HNRNPUL1: variants seen among roughly 807,000 people sequenced by gnomAD.
HNRNPUL1 encodes the protein heterogeneous nuclear ribonucleoprotein U-like protein 1.
A neutral mutation model predicts 108.5 loss-of-function variants in HNRNPUL1; 14 were observed. The observed-to-expected ratio is 0.13, with a 90% CI of 0.09 to 0.20. The LOEUF is 0.20. Ranked by LOEUF, HNRNPUL1 falls within the 10% of genes least tolerant of loss-of-function variation. HNRNPUL1 has a pLI of 1.00. For synonymous variants in HNRNPUL1, 422 were observed against 445.2 expected, an observed-to-expected ratio of 0.95 and a Z score of 0.66; for missense variants, 804 against 1,168.3, an observed-to-expected ratio of 0.69 and a Z score of 4.55.
intron 6 of HNRNPUL1, 45 bp downstream of exon 6, chr19:41,279,221 C>G: frequency 7.4e-7 from 1 of 1,349,630 alleles, no homozygotes; most frequent in Middle Eastern, 1.8e-4. Context: ...GAGTGACTGT[C>G]CCTACCCTTG....
At chr19:41,290,625 T>A (rs1015686159) in intron 7 of HNRNPUL1, among the ~76,000 whole-genome samples, 2 of 152,220 alleles carry the variant, frequency 1.3e-5, no homozygotes, top group African/African-American at 4.8e-5. Flanking sequence ...TACTAGCCCA[T>A]TTAACAGTTA....
intron 7 of HNRNPUL1, among the ~76,000 whole-genome samples, chr19:41,288,145 C>G (rs2036356328): frequency 6.7e-6 from 1 of 148,962 alleles, no homozygotes; most frequent in Admixed American, 6.7e-5. Flanking sequence ...CCCGCCCCAC[C>G]CATTTTTCAC....
rs57173622 is a variant in HNRNPUL1 at position 41,292,563 on chromosome 19, G to GACACAC, written c.1266+70_1266+75dup. 1,933 of 1,505,100 alleles carry GACACAC rather than the reference G, an allele frequency of 1.3e-3. 5 individuals are homozygous for GACACAC. The African/African-American group carries it at 0.023, about 18-fold the overall frequency. The allele number at this position is 1,505,100 out of a possible 1,614,324, so 93.2% of individuals were successfully genotyped here. On this transcript the variant is annotated intron_variant, in intron 8 of 14. Coordinates refer to ENST00000392006, the MANE Select transcript of HNRNPUL1 (RefSeq NM_007040.6). This position sits in a 1 kb window ranked among gnomAD's most constrained non-coding sequence, Gnocchi z 4.1. ...GCCACCTTGCTGCCAAGACAGAGGA[G>GACACAC]ACACACACACACACACACACACAGA...
At chr19:41,270,933 C>T (rs1032470128) in intron 2 of HNRNPUL1, among the ~76,000 whole-genome samples, 4 of 152,086 alleles carry the variant, frequency 2.6e-5, no homozygotes, top group African/African-American at 7.2e-5. Context: ...TTGGCTTGTC[C>T]GATGGCAGAG....
chr19:41,263,519 C>T (rs919781251), upstream of HNRNPUL1, among the ~76,000 whole-genome samples: 4 of 152,174 alleles, frequency 2.6e-5, no homozygotes, highest in Admixed American at 6.5e-5. Flanking sequence ...CGCGGACTAC[C>T]CAAGGGAAGG....
chr19:41,265,360 G>GGC, intron 1 of HNRNPUL1: 1 of 709,288 alleles, frequency 1.4e-6, no homozygotes, highest in Non-Finnish European at 2.2e-6. Context: ...GGGTGGGTGG[G>GGC]AGAGGTGGAG....
rs1187348932 is a variant in HNRNPUL1, at chr19:41,268,358, A to G, written c.418+13A>G. 1 of 1,612,510 alleles carries G rather than the reference A, an allele frequency of 6.2e-7. No homozygotes were observed. Among genetic ancestry groups the G allele is most frequent in the East Asian group, 2.2e-5 (1 of 44,818 alleles). On this transcript the variant is annotated intron_variant, in intron 2 of 14. Coordinates refer to ENST00000392006, the MANE Select transcript of HNRNPUL1 (RefSeq NM_007040.6). Reference sequence around the variant, plus strand: ...GCCTATCGTCCAGGTAGGAAAATACACATGGTTCATCTCTTTGGATGGAAA... The same window carrying G: ...GCCTATCGTCCAGGTAGGAAAATACGCATGGTTCATCTCTTTGGATGGAAA...
At chr19:41,274,804 G>T (rs1456074887) in intron 4 of HNRNPUL1, among the ~76,000 whole-genome samples, 1 of 152,082 alleles carries the variant, frequency 6.6e-6, no homozygotes, top group Non-Finnish European at 1.5e-5. Flanking sequence ...ATAAAGCACT[G>T]GCTACATGCT....
intron 7 of HNRNPUL1, among the ~76,000 whole-genome samples, chr19:41,287,713 C>T (rs1599816409): frequency 1.3e-5 from 2 of 152,148 alleles, no homozygotes; most frequent in East Asian, 3.9e-4. Context: ...GTACGCGCCA[C>T]CACACCTGGC....
At position 41,305,872 on chromosome 19, in the gene HNRNPUL1, G is replaced by A; in HGVS notation, c.2454+5G>A. The stretch of plus-strand genomic sequence containing the variant: ...AGCTATAACCAGTATCAGCAGGTAG[G>A]TGCCAGACTGGGGGCCAACTGGATG... On this transcript the variant is annotated splice_donor_5th_base_variant and intron_variant, in intron 14 of 14. Coordinates refer to ENST00000392006, the MANE Select transcript of HNRNPUL1 (RefSeq NM_007040.6). 6.3e-7 allele frequency: 1 copy of A among 1,577,050 alleles called. No individual in the cohort carries two copies. The highest frequency in any genetic ancestry group is 8.7e-7 in the Non-Finnish European group (1 of 1,153,944).
upstream of HNRNPUL1, among the ~76,000 whole-genome samples, chr19:41,263,506 G>A (rs771338125): frequency 2.0e-5 from 3 of 152,178 alleles, no homozygotes; most frequent in Non-Finnish European, 4.4e-5. Flanking sequence ...AGAGCAAGGC[G>A]GCCGCGGACT....
chr19:41,297,642 G>A (rs529658534), intron 10 of HNRNPUL1, among the ~76,000 whole-genome samples: 5 of 152,258 alleles, frequency 3.3e-5, no homozygotes, highest in East Asian at 3.9e-4. Flanking sequence ...GGGAGCCTCC[G>A]CAGGGCCATG....
At chr19:41,267,430 A>G (rs1416082352) in intron 1 of HNRNPUL1, among the ~76,000 whole-genome samples, 2 of 152,146 alleles carry the variant, frequency 1.3e-5, no homozygotes, top group African/African-American at 4.8e-5. Context: ...TAAGGAGATA[A>G]TGCTATTTCT....
chr19:41,264,460 G>A lies in HNRNPUL1; in HGVS notation c.-44G>A. 7.5e-7 allele frequency: 1 copy of A among 1,339,092 alleles called. No individual in the cohort carries two copies. Among genetic ancestry groups the A allele is most frequent in the Non-Finnish European group, 9.6e-7 (1 of 1,043,834 alleles). The allele number at this position is 1,339,092 out of a possible 1,614,324, so 83.0% of individuals were successfully genotyped here. A position where few individuals can be genotyped will look rare whatever the true frequency, so the allele number is the denominator to read the frequency against. On this transcript the variant is annotated 5_prime_UTR_variant, in exon 1 of 15. Coordinates refer to ENST00000392006, the MANE Select transcript of HNRNPUL1 (RefSeq NM_007040.6). ...AAAGGTTTAAGGGGGACAGAGCCCT[G>A]GGAGGCCGGGCCGGGCTCGGGGGCC...
Position 41,302,820 on chromosome 19 carries a change from G to A in HNRNPUL1, c.1843G>A (p.Gly615Ser), listed in dbSNP as rs1345732673. 1.4e-5 allele frequency: 23 copies of A among 1,603,432 alleles called. No homozygotes were observed. Among genetic ancestry groups the A allele is most frequent in the Non-Finnish European group, 1.8e-5 (21 of 1,172,762 alleles). Reference sequence around the variant, plus strand: ...AAAGCGCTTTGACAACCGAGGTGGTGGTGGCTTCCGGGGCCGCGGGGGTGG... The same window carrying A: ...AAAGCGCTTTGACAACCGAGGTGGTAGTGGCTTCCGGGGCCGCGGGGGTGG... Reference protein sequence around the residue: ...PEKRFDNRGGGGFRGRGGGGG... With the variant: ...PEKRFDNRGGSGFRGRGGGGG... The change falls in exon 12 of 15, where the codon GGT becomes AGT. Residue 615 changes from glycine (G) to serine (S), a missense_variant. Around this residue, in one of 4 missense-constraint regions of HNRNPUL1, gnomAD observed 294 missense variants for 388.3 expected, o/e 0.76. Transcript: ENST00000392006.
chr19:41,281,125 C>T (rs191480843), intron 6 of HNRNPUL1, 38 bp from the exon 7 acceptor site: 17 of 1,327,328 alleles, frequency 1.3e-5, no homozygotes, highest in African/African-American at 4.3e-5. Context: ...TTATGACCAT[C>T]GCAGGTTTAA....
intron 6 of HNRNPUL1, among the ~76,000 whole-genome samples, chr19:41,280,419 A>G (rs2035835755): frequency 6.6e-6 from 1 of 152,036 alleles, no homozygotes; most frequent in Admixed American, 6.6e-5. Context: ...TTTCATTTCC[A>G]TATGTGTTAG....
Position 41,264,544 on chromosome 19 carries a change from A to G in HNRNPUL1, c.41A>G (p.Glu14Gly). The G allele has an allele frequency of 6.7e-7, 1 of 1,499,596 alleles. No homozygotes were observed. The allele number at this position is 1,499,596 out of a possible 1,614,324, so 92.9% of individuals were successfully genotyped here. A position where few individuals can be genotyped will look rare whatever the true frequency, so the allele number is the denominator to read the frequency against. ...RRLKVNELRE[E>G]LQRRGLDTRG... is the part of the protein sequence containing the mutation. ...CTGAAGGTGAACGAACTTCGCGAGGAGCTGCAGCGCCGCGGCCTGGACACT... is the reference window on the plus strand; with the variant it reads ...CTGAAGGTGAACGAACTTCGCGAGGGGCTGCAGCGCCGCGGCCTGGACACT... The change falls in exon 1 of 15, where the codon GAG (glutamate) becomes GGG (glycine). Residue 14 changes from glutamate to glycine, a missense_variant. Physicochemically the swap from Glu to Gly is moderately conservative, Grantham distance 98 (BLOSUM62 -2). Coordinates refer to ENST00000392006, the MANE Select transcript of HNRNPUL1 (RefSeq NM_007040.6).
chr19:41,292,726 A>C lies in HNRNPUL1; in HGVS notation c.1266+215A>C, dbSNP rs1442446165. On this transcript the variant is annotated intron_variant, in intron 8 of 14. Transcript: ENST00000392006. This position sits in a 1 kb window ranked among gnomAD's most constrained non-coding sequence, Gnocchi z 4.1. ...TAAGTTGAAGTCGGAGAGGCTACCT[A>C]AATCTCAGAAAGATTGCATCTTCTT... 6.7e-6 allele frequency among the ~76,000 whole-genome samples: 1 copy of C among 149,412 alleles called. No homozygotes were observed. The highest frequency in any genetic ancestry group is 1.5e-5 in the Non-Finnish European group (1 of 66,682).
Sources: allele counts gnomAD v4.1 joint callset (sites outside exome capture counted in the v4.1 genomes callset), GRCh38; gene constraint gnomAD v4.1.1; regional missense constraint gnomAD v4.1.1; non-coding constraint Gnocchi (gnomAD v3.1); transcripts MANE v1.5; gene names NCBI Gene and HGNC (gene_info 2026-07-23, HGNC 2026-07-21).